CRIM1: variants seen among roughly 807,000 people sequenced by gnomAD.
CRIM1 encodes the protein cysteine-rich motor neuron 1 protein.
CRIM1 carries 32 observed loss-of-function variants against 116.4 expected under a neutral mutation model. The observed-to-expected ratio is 0.27, with a 90% CI of 0.21 to 0.37. The LOEUF is 0.37. Ranked by LOEUF, CRIM1 falls within the 10% of genes least tolerant of loss-of-function variation. The pLI is 1.00. For missense variants in CRIM1, 1,331 were observed against 1,354.8 expected, an observed-to-expected ratio of 0.98 and a Z score of 0.28; for synonymous variants, 590 against 509.2, an observed-to-expected ratio of 1.16 and a Z score of -2.13.
intron 4 of CRIM1, among the ~76,000 whole-genome samples, chr2:36,444,232 G>C (rs188562622): frequency 6.6e-6 from 1 of 152,154 alleles, no homozygotes; most frequent in Admixed American, 6.5e-5. Context: ...TAGGAGGCAC[G>C]GTCAGCTATT....
At chr2:36,506,212 C>T (rs1240663801) in intron 8 of CRIM1, among the ~76,000 whole-genome samples, 1 of 138,398 alleles carries the variant, frequency 7.2e-6, no homozygotes, top group African/African-American at 2.6e-5. Context: ...CACACACACA[C>T]ACACTCAGAT....
intron 1 of CRIM1, among the ~76,000 whole-genome samples, chr2:36,377,445 G>A (rs1670411676): frequency 6.6e-6 from 1 of 152,196 alleles, no homozygotes; most frequent in South Asian, 2.1e-4. Context: ...ACTAGTGGGA[G>A]TTCAGGCTCA....
At chr2:36,379,557 G>T (rs537531496) in intron 1 of CRIM1, among the ~76,000 whole-genome samples, 1 of 152,098 alleles carries the variant, frequency 6.6e-6, no homozygotes, top group Admixed American at 6.5e-5. Flanking sequence ...GCAGTCTTCC[G>T]AACAGAGCAC....
At chr2:36,534,650 A>G (rs1271645496) in intron 13 of CRIM1, among the ~76,000 whole-genome samples, 1 of 149,398 alleles carries the variant, frequency 6.7e-6, no homozygotes, top group African/African-American at 2.5e-5. Context: ...AGGGAAAGGA[A>G]GGGAAGGAAG....
intron 5 of CRIM1, among the ~76,000 whole-genome samples, chr2:36,467,268 C>G (rs893501653): frequency 2.0e-5 from 3 of 152,126 alleles, no homozygotes; most frequent in African/African-American, 7.2e-5. Flanking sequence ...AGTCATTCAC[C>G]TGTAGAGGAG....
chr2:36,514,171 A>C (rs1047663145), intron 11 of CRIM1, among the ~76,000 whole-genome samples: 2 of 152,198 alleles, frequency 1.3e-5, no homozygotes, highest in Admixed American at 6.5e-5. Flanking sequence ...CATTTAAAGT[A>C]ATGTTTGAGA....
intron 14 of CRIM1, among the ~76,000 whole-genome samples, chr2:36,539,041 C>T (rs1044167317): frequency 6.6e-6 from 1 of 152,120 alleles, no homozygotes; most frequent in Non-Finnish European, 1.5e-5. Flanking sequence ...ACGGAGCTTA[C>T]GTTGTAGTAG....
intron 5 of CRIM1, among the ~76,000 whole-genome samples, chr2:36,468,964 G>A (rs1048383534): frequency 2.0e-5 from 3 of 152,164 alleles, no homozygotes; most frequent in East Asian, 1.9e-4. Context: ...CTTATAAAAC[G>A]TTCCCCAAGT....
At chr2:36,390,496 A>G (rs1671490493) in intron 1 of CRIM1, among the ~76,000 whole-genome samples, 1 of 152,290 alleles carries the variant, frequency 6.6e-6, no homozygotes, top group South Asian at 2.1e-4. Flanking sequence ...TGTTGAAGAT[A>G]CTTACTTTTC....
intron 1 of CRIM1, among the ~76,000 whole-genome samples, chr2:36,359,180 A>C (rs1353079772): frequency 6.6e-6 from 1 of 152,212 alleles, no homozygotes; most frequent in Non-Finnish European, 1.5e-5. Flanking sequence ...ATTCATGTTG[A>C]AGTCTCTTTT....
intron 6 of CRIM1, 138 bp from the exon 7 acceptor site, chr2:36,479,359 C>T (rs576966567): frequency 3.9e-6 from 3 of 772,800 alleles, no homozygotes; most frequent in South Asian, 3.5e-5. Flanking sequence ...ACTCCTCATG[C>T]AACCCTGCGC....
intron 2 of CRIM1, among the ~76,000 whole-genome samples, chr2:36,422,540 G>A (rs563868908): frequency 2.0e-5 from 3 of 152,224 alleles, no homozygotes; most frequent in Middle Eastern, 3.4e-3. Flanking sequence ...ACTACTTATC[G>A]CTCTTCAGAT....
intron 2 of CRIM1, among the ~76,000 whole-genome samples, chr2:36,423,828 T>TG (rs1464636938): frequency 4.6e-5 from 7 of 152,298 alleles, no homozygotes; most frequent in Non-Finnish European, 8.8e-5. Context: ...TCTAAGCCAT[T>TG]GATGTGTTAG....
intron 14 of CRIM1, among the ~76,000 whole-genome samples, chr2:36,542,536 C>A (rs1188681799): frequency 2.0e-5 from 3 of 152,250 alleles, no homozygotes; most frequent in Non-Finnish European, 4.4e-5. Flanking sequence ...CTGAATCAAT[C>A]CCAGCTCTGG....
chr2:36,397,087 C>T (rs935357251), intron 2 of CRIM1, among the ~76,000 whole-genome samples: 4 of 152,120 alleles, frequency 2.6e-5, no homozygotes, highest in African/African-American at 9.7e-5. Flanking sequence ...CATCTGTTGT[C>T]ACCAGGTCCA....
intron 5 of CRIM1, 85 bp downstream of exon 5, chr2:36,464,740 T>C: frequency 3.3e-6 from 5 of 1,527,578 alleles, no homozygotes; most frequent in Non-Finnish European, 3.6e-6. Context: ...GCTTCTGCCT[T>C]TTACAAAGCA....
rs917237335 is a variant in CRIM1, at chr2:36,356,792, C to A, written c.331+169C>A. Among the ~76,000 whole-genome samples, 10 of 152,226 alleles carry A rather than the reference C, an allele frequency of 6.6e-5. No individual in the cohort carries two copies. The highest frequency in any genetic ancestry group is 5.2e-4 in the Admixed American group (8 of 15,292). On this transcript the variant is annotated intron_variant, in intron 1 of 16. Coordinates refer to ENST00000280527, the MANE Select transcript of CRIM1 (RefSeq NM_016441.3). This position sits in a 1 kb window ranked among gnomAD's most constrained non-coding sequence, Gnocchi z 4.3. ...GCCCCCGCGGCCCTGCGTTCCCTCT[C>A]CTTGTTCCCCCCGACGCTTAGGCAG...
In CRIM1 at chr2:36,429,687, G is replaced by C. The variant is rs116836988; in HGVS notation, c.506-11571G>C. On this transcript the variant is annotated intron_variant, in intron 2 of 16. Coordinates refer to ENST00000280527, the MANE Select transcript of CRIM1 (RefSeq NM_016441.3). ...CAAGTGGATATGGTATAAAGTAGTA[G>C]TTCTCAAAGCACGGTGCCTAGACAG... Among the ~76,000 whole-genome samples, 916 of 152,294 alleles carry C rather than the reference G, an allele frequency of 6.0e-3. 11 individuals carry two copies. Among genetic ancestry groups the C allele is most frequent in the African/African-American group, 0.02 (814 of 41,558 alleles).
At chr2:36,505,135 T>A (rs1287107291) in intron 8 of CRIM1, among the ~76,000 whole-genome samples, 1 of 152,204 alleles carries the variant, frequency 6.6e-6, no homozygotes, top group Non-Finnish European at 1.5e-5. Flanking sequence ...AGGGTCAAAA[T>A]TGGGACCACC....
Sources: gnomAD v4.1 joint callset for allele counts (sites outside exome capture counted in the v4.1 genomes callset) on GRCh38, gnomAD v4.1.1 for gene constraint, Gnocchi (gnomAD v3.1) non-coding constraint, MANE v1.5 for transcripts, NCBI Gene and HGNC (gene_info 2026-07-23, HGNC 2026-07-21) for gene names.